Variants in CSMD1 observed in about 807,000 individuals in gnomAD.
CSMD1 encodes CUB and sushi domain-containing protein 1.
Under a neutral mutation model 417.5 loss-of-function variants are expected in CSMD1, and 213 were observed. That is an observed-to-expected ratio of 0.51 (90% CI 0.46 to 0.57). The LOEUF is 0.57. Among genes scored for constraint, CSMD1 ranks in the 20% least tolerant of loss-of-function variants. CSMD1 has a pLI of 0.00. For synonymous variants in CSMD1, 2,862 were observed against 1,736.8 expected (o/e 1.65, Z -16.11); for missense variants, 6,923 against 4,529.7 (o/e 1.53, Z -15.17).
In CSMD1 at chr8:4,764,475, G is replaced by A. The variant is rs559201153; in HGVS notation, c.86-126917C>T. Among the ~76,000 whole-genome samples, 297 of 152,188 alleles carry A rather than the reference G, an allele frequency of 2.0e-3. 1 individual carries two copies. The highest frequency in any genetic ancestry group is 2.8e-3 in the Non-Finnish European group (191 of 68,010). Reference sequence around the variant, plus strand: ...TACGTTATCGTCTGTATTCTTAAAAGTATTAAGTCGAGAAGACAATTAGTA... The same window carrying A: ...TACGTTATCGTCTGTATTCTTAAAAATATTAAGTCGAGAAGACAATTAGTA... On this transcript the variant is annotated intron_variant, in intron 1 of 69. Coordinates refer to ENST00000635120, the MANE Select transcript of CSMD1 (RefSeq NM_033225.6).
At chr8:4,652,657 T>A (rs1057263950) in intron 1 of CSMD1, among the ~76,000 whole-genome samples, 66 of 150,862 alleles carry the variant, frequency 4.4e-4, no homozygotes, top group Admixed American at 2.6e-3. Flanking sequence ...TCTCAAAATT[T>A]AAAAAAAAAG....
At chr8:3,641,738 G>C (rs1585005733) in intron 7 of CSMD1, among the ~76,000 whole-genome samples, 1 of 152,102 alleles carries the variant, frequency 6.6e-6, no homozygotes, top group Non-Finnish European at 1.5e-5. Context: ...TTTGGGACCA[G>C]GATTCTCCCT....
At chr8:4,369,565 T>C (rs1314924110) in intron 3 of CSMD1, among the ~76,000 whole-genome samples, 1 of 152,152 alleles carries the variant, frequency 6.6e-6, no homozygotes, top group Non-Finnish European at 1.5e-5. Context: ...TATTATTGAG[T>C]GGTTGTCTAA....
At chr8:4,658,103 TG>T (rs1804358601) in intron 1 of CSMD1, among the ~76,000 whole-genome samples, 1 of 151,810 alleles carries the variant, frequency 6.6e-6, no homozygotes, top group Admixed American at 6.6e-5. Context: ...AAGAAACACA[TG>T]GGGCACCATG....
At chr8:4,947,895 C>G (rs943672156) in intron 1 of CSMD1, among the ~76,000 whole-genome samples, 1 of 152,024 alleles carries the variant, frequency 6.6e-6, no homozygotes, top group Non-Finnish European at 1.5e-5. Context: ...AGGTGTGCGT[C>G]CATTCTCCTG....
chr8:3,438,678 G>C (rs1029421183), intron 12 of CSMD1, among the ~76,000 whole-genome samples: 1 of 152,114 alleles, frequency 6.6e-6, no homozygotes, highest in African/African-American at 2.4e-5. Flanking sequence ...TCCTGTCTTT[G>C]ACTATTATGA....
intron 5 of CSMD1, among the ~76,000 whole-genome samples, chr8:3,864,718 A>G (rs1804963563): frequency 6.6e-6 from 1 of 152,082 alleles, no homozygotes. Context: ...ACATTATGGT[A>G]ATTCCACACT....
At chr8:3,517,159 A>G (rs1392542314) in intron 10 of CSMD1, among the ~76,000 whole-genome samples, 2 of 152,178 alleles carry the variant, frequency 1.3e-5, no homozygotes, top group Admixed American at 1.3e-4. Context: ...CCTCATGCTC[A>G]TCCCTTCTCA....
chr8:3,834,962 A>C (rs1390656434), intron 5 of CSMD1, among the ~76,000 whole-genome samples: 1 of 152,168 alleles, frequency 6.6e-6, no homozygotes, highest in Admixed American at 6.5e-5. Flanking sequence ...AAAACACATG[A>C]AAAAATGCTC....
At chr8:3,730,256 C>G (rs1270043310) in intron 6 of CSMD1, among the ~76,000 whole-genome samples, 1 of 152,062 alleles carries the variant, frequency 6.6e-6, no homozygotes, top group South Asian at 2.1e-4. Flanking sequence ...GAGAAAATAC[C>G]TTGAGCACAT....
In CSMD1 at chr8:4,621,419, G is replaced by A. The variant is rs979171075; in HGVS notation, c.302+15923C>T. On this transcript the variant is annotated intron_variant, in intron 2 of 69. Transcript: ENST00000635120. ...TTTTATAATTAGAGATGCTCAACCT[G>A]CATTAATAACTGTACCTACACATTT... is the stretch of plus-strand genomic sequence containing the variant. 5.3e-5 allele frequency among the ~76,000 whole-genome samples: 8 copies of A among 152,170 alleles called. No individual in the cohort carries two copies. The East Asian group carries it at 1.5e-3, about 29-fold the overall frequency.
intron 6 of CSMD1, among the ~76,000 whole-genome samples, chr8:3,708,730 C>A: frequency 6.6e-6 from 1 of 152,148 alleles, no homozygotes; most frequent in East Asian, 1.9e-4. Flanking sequence ...AAAAATAATA[C>A]GTGCTGCCAC....
chr8:4,660,222 G>C (rs890017164), intron 1 of CSMD1, among the ~76,000 whole-genome samples: 16 of 151,690 alleles, frequency 1.1e-4, no homozygotes. Context: ...AAACCCCAAG[G>C]AATCTACCAA....
At chr8:4,085,945 T>TA (rs1371599609) in intron 3 of CSMD1, among the ~76,000 whole-genome samples, 1 of 152,304 alleles carries the variant, frequency 6.6e-6, no homozygotes, top group East Asian at 1.9e-4. Context: ...TATTATTTCT[T>TA]ACAAGTGCAA....
At chr8:3,881,220 C>G (rs138395623) in intron 5 of CSMD1, among the ~76,000 whole-genome samples, 20 of 151,112 alleles carry the variant, frequency 1.3e-4, no homozygotes, top group Non-Finnish European at 2.1e-4. Context: ...ATTCAAGTCA[C>G]TCTCAACCCA....
intron 5 of CSMD1, chr8:3,949,807 TG>T: frequency 1.2e-5 from 5 of 419,674 alleles, no homozygotes; most frequent in South Asian, 8.6e-5. Context: ...CATGGAAAGC[TG>T]GGGCAATGAC....
intron 7 of CSMD1, among the ~76,000 whole-genome samples, chr8:3,643,656 G>A (rs1040688721): frequency 7.3e-6 from 1 of 137,642 alleles, no homozygotes; most frequent in Non-Finnish European, 1.5e-5. Flanking sequence ...AGCCGAGATC[G>A]CGCCACTGCA....
chr8:3,113,587 C>T (rs778603402), intron 42 of CSMD1, among the ~76,000 whole-genome samples: 6 of 152,248 alleles, frequency 3.9e-5, no homozygotes, highest in Non-Finnish European at 8.8e-5. Context: ...GGTACCCTGG[C>T]GCCACTGGCT....
chr8:4,098,606 A>G (rs748515395), intron 3 of CSMD1, among the ~76,000 whole-genome samples: 2 of 152,136 alleles, frequency 1.3e-5, no homozygotes, highest in Non-Finnish European at 1.5e-5. Context: ...TCTAAGGTTC[A>G]AATAAGTGAA....
Sources: gnomAD v4.1 joint callset for allele counts (sites outside exome capture counted in the v4.1 genomes callset) on GRCh38, gnomAD v4.1.1 for gene constraint, MANE v1.5 for transcripts, NCBI Gene and HGNC (gene_info 2026-07-23, HGNC 2026-07-21) for gene names.